Variants in GDNF observed in about 807,000 individuals in gnomAD.
GDNF encodes the protein glial cell derived neurotrophic factor.
GDNF carries 5 observed loss-of-function variants against 13.7 expected under a neutral mutation model. The observed-to-expected ratio is 0.36, with a 90% CI of 0.19 to 0.77. The LOEUF (loss-of-function observed/expected upper bound fraction) is 0.77. Ranked by LOEUF, GDNF falls within the 30% of genes least tolerant of loss-of-function variation. The probability of loss-of-function intolerance (pLI) is 0.51; values close to 1 mark genes in which losing one functional copy is unlikely to be tolerated. For synonymous variants in GDNF, 122 were observed against 112.5 expected (o/e 1.08, Z -0.53); for missense variants, 246 against 274.3 (o/e 0.90, Z 0.73).
chr5:37,828,312 T>C (rs577447692), intron 2 of GDNF, among the ~76,000 whole-genome samples: 4 of 152,338 alleles, frequency 2.6e-5, no homozygotes, highest in African/African-American at 9.6e-5. Flanking sequence ...AAAGCATCAA[T>C]ATTATAGGAA....
In GDNF at chr5:37,815,559, C is replaced by T; in HGVS notation, c.*92G>A. On this transcript the variant is annotated 3_prime_UTR_variant, in exon 3 of 3. Coordinates refer to ENST00000326524, the MANE Select transcript of GDNF (RefSeq NM_000514.4). The surrounding 1 kb of genome is among the most constrained non-coding windows in gnomAD (Gnocchi z 5.0). ...CCTCCTCCGCCTCCTTGGTCCTCAT[C>T]TTCCATTCTGGGCAAACATTTCCTG... 8.0e-7 allele frequency: 1 copy of T among 1,246,872 alleles called. No individual in the cohort carries two copies. Among genetic ancestry groups the T allele is most frequent in the Non-Finnish European group, 1.2e-6 (1 of 846,626 alleles). The allele number at this position is 1,246,872 out of a possible 1,614,324, so 77.2% of individuals were successfully genotyped here.
intron 2 of GDNF, among the ~76,000 whole-genome samples, chr5:37,833,532 A>T (rs1750596152): frequency 6.6e-6 from 1 of 152,256 alleles, no homozygotes; most frequent in Admixed American, 6.5e-5. Context: ...TAAAATAAGC[A>T]CATTGCATTT....
At chr5:37,828,227 A>G (rs1173816494) in intron 2 of GDNF, among the ~76,000 whole-genome samples, 1 of 152,224 alleles carries the variant, frequency 6.6e-6, no homozygotes, top group East Asian at 1.9e-4. Flanking sequence ...GGCCTCCCGA[A>G]TGCTGTCTGC....
Position 37,815,562 on chromosome 5 carries a change from C to T in GDNF, c.*89G>A. 1 of 1,258,916 alleles carries T rather than the reference C, an allele frequency of 7.9e-7. No homozygotes were observed. Among genetic ancestry groups the T allele is most frequent in the Non-Finnish European group, 1.2e-6 (1 of 858,800 alleles). The allele number at this position is 1,258,916 out of a possible 1,614,324, so 78.0% of individuals were successfully genotyped here. Reference sequence around the variant, plus strand: ...CCTCCGCCTCCTTGGTCCTCATCTTCCATTCTGGGCAAACATTTCCTGGGA... The same window carrying T: ...CCTCCGCCTCCTTGGTCCTCATCTTTCATTCTGGGCAAACATTTCCTGGGA... On this transcript the variant is annotated 3_prime_UTR_variant, in exon 3 of 3. Transcript: ENST00000326524. The surrounding 1 kb of genome is among the most constrained non-coding windows in gnomAD (Gnocchi z 5.0).
intron 2 of GDNF, among the ~76,000 whole-genome samples, chr5:37,817,242 A>G (rs2973050): frequency 0.64 from 96,792 of 152,110 alleles, 30,884 homozygotes; most frequent in Middle Eastern, 0.66. Flanking sequence ...TGCTTTGGCC[A>G]ATCAAGTCAG....
chr5:37,814,980 C>A lies in GDNF; in HGVS notation c.*671G>T, dbSNP rs1749856276. 1 of 152,998 alleles carries A rather than the reference C, an allele frequency of 6.5e-6. No homozygotes were observed. The highest frequency in any genetic ancestry group is 1.5e-5 in the Non-Finnish European group (1 of 68,644). 9.5% of individuals were successfully genotyped at this position (152,998 alleles called of 1,614,324 possible). On this transcript the variant is annotated 3_prime_UTR_variant, in exon 3 of 3. Transcript: ENST00000326524. ...AATCATGAGCACAGCCTTTTTGGTT[C>A]CTAGCCAACTTCTTCCCACCCCACA...
chr5:37,827,697 T>C (rs1404105723), intron 2 of GDNF, among the ~76,000 whole-genome samples: 2 of 152,230 alleles, frequency 1.3e-5, no homozygotes, highest in African/African-American at 4.8e-5. Context: ...CATGTACATT[T>C]GAATTGAAAA....
intron 2 of GDNF, among the ~76,000 whole-genome samples, chr5:37,828,144 C>G (rs901840906): frequency 4.6e-5 from 7 of 152,308 alleles, no homozygotes; most frequent in Middle Eastern, 3.4e-3. Flanking sequence ...TGCAGTCACA[C>G]TAGGTTCCTA....
At chr5:37,821,558 A>G (rs1349735841) in intron 2 of GDNF, among the ~76,000 whole-genome samples, 1 of 152,236 alleles carries the variant, frequency 6.6e-6, no homozygotes, top group East Asian at 1.9e-4. Context: ...GCTCAAATGC[A>G]TTTAAGCTAT....
chr5:37,818,932 C>T (rs903270875), intron 2 of GDNF, among the ~76,000 whole-genome samples: 3 of 152,132 alleles, frequency 2.0e-5, no homozygotes, highest in African/African-American at 4.8e-5. Context: ...CCCTGCGCCT[C>T]CCCCTCCACC....
intron 1 of GDNF, chr5:37,835,783 C>T (rs1234623375): frequency 9.9e-6 from 8 of 808,128 alleles, no homozygotes; most frequent in East Asian, 5.3e-5. Flanking sequence ...GCTCCCCGCG[C>T]CCCCGTCACG....
At position 37,838,490 on chromosome 5, in the gene GDNF, G is replaced by C. The variant is rs1750786372; in HGVS notation, c.-27+1017C>G. Among the ~76,000 whole-genome samples the C allele has an allele frequency of 6.6e-6, 1 of 152,226 alleles. No homozygotes were observed. Among genetic ancestry groups the C allele is most frequent in the South Asian group, 2.1e-4 (1 of 4,828 alleles). On this transcript the variant is annotated intron_variant, in intron 1 of 2. Coordinates refer to ENST00000326524, the MANE Select transcript of GDNF (RefSeq NM_000514.4). The surrounding 1 kb of genome is among the most constrained non-coding windows in gnomAD (Gnocchi z 4.1). ...CGCGTTCTAACATCTCCGCAGCAGG[G>C]GCCGGAAGAGTTGCCTTTGTCCCCG...
Position 37,815,663 on chromosome 5 carries a change from A to G in GDNF, c.624T>C (p.Cys208=), listed in dbSNP as rs1302367005. Residue 208 remains cysteine, a synonymous_variant, in exon 3 of 3, where the codon TGT becomes TGC. Coordinates refer to ENST00000326524, the MANE Select transcript of GDNF (RefSeq NM_000514.4). The surrounding 1 kb of genome is among the most constrained non-coding windows in gnomAD (Gnocchi z 5.0). ...TCTGGAGCCGGAGTCAGATACATCCACACCTTTTAGCGGAATGCTTTCTTA... is the reference window on the plus strand; with the variant it reads ...TCTGGAGCCGGAGTCAGATACATCCGCACCTTTTAGCGGAATGCTTTCTTA... ...HILRKHSAKR[C]GCI The G allele has an allele frequency of 1.9e-6, 3 of 1,613,734 alleles. No individual in the cohort carries two copies.
intron 2 of GDNF, among the ~76,000 whole-genome samples, chr5:37,817,064 C>A (rs890048888): frequency 2.0e-5 from 3 of 152,194 alleles, no homozygotes; most frequent in African/African-American, 7.2e-5. Flanking sequence ...GAGGTCCAGC[C>A]TCAGCTGCAA....
rs1749893805 is a variant in GDNF at position 37,815,691 on chromosome 5, A to G, written c.596T>C (p.Ile199Thr). 1 of 1,613,276 alleles carries G rather than the reference A, an allele frequency of 6.2e-7. No individual in the cohort carries two copies. Among genetic ancestry groups the G allele is most frequent in the Non-Finnish European group, 8.5e-7 (1 of 1,179,226 alleles). ...CCTTTTAGCGGAATGCTTTCTTAGA[A>G]TATGGTAAACCAGGTTATCATCTAA... ...SFLDDNLVYH[I>T]LRKHSAKRCG... is the part of the protein sequence containing the mutation. The change falls in exon 3 of 3, where the codon ATT (isoleucine) becomes ACT (threonine). Residue 199 changes from isoleucine to threonine, a missense_variant. Ile to Thr is a moderately conservative substitution (Grantham distance 89). Transcript: ENST00000326524. The surrounding 1 kb of genome is among the most constrained non-coding windows in gnomAD (Gnocchi z 5.0).
At chr5:37,830,459 T>A (rs1750483727) in intron 2 of GDNF, among the ~76,000 whole-genome samples, 1 of 152,138 alleles carries the variant, frequency 6.6e-6, no homozygotes. Flanking sequence ...AGGGGCAGAA[T>A]CCCAGGCAAG....
chr5:37,838,394 A>T lies in GDNF; in HGVS notation c.-27+1113T>A, dbSNP rs1432763935. Among the ~76,000 whole-genome samples the T allele has an allele frequency of 2.6e-5, 4 of 152,228 alleles. No individual in the cohort carries two copies. Among genetic ancestry groups the T allele is most frequent in the Non-Finnish European group, 4.4e-5 (3 of 68,034 alleles). Reference sequence around the variant, plus strand: ...CGGCTTTGCGGGACTGGGTGCGTGAATGAGGTTGGAAGAAACATCTCTTCC... The same window carrying T: ...CGGCTTTGCGGGACTGGGTGCGTGATTGAGGTTGGAAGAAACATCTCTTCC... On this transcript the variant is annotated intron_variant, in intron 1 of 2. Transcript: ENST00000326524. This position sits in a 1 kb window ranked among gnomAD's most constrained non-coding sequence, Gnocchi z 4.1.
In GDNF at chr5:37,839,225, C is replaced by T. The variant is rs1226118169; in HGVS notation, c.-27+282G>A. On this transcript the variant is annotated intron_variant, in intron 1 of 2. Coordinates refer to ENST00000326524, the MANE Select transcript of GDNF (RefSeq NM_000514.4). This position sits in a 1 kb window ranked among gnomAD's most constrained non-coding sequence, Gnocchi z 5.5. The stretch of plus-strand genomic sequence containing the variant: ...CTGGCCGAGTCGGGGAAGGAAACTG[C>T]CCCTCTTGGGCATTCCGGGTCCAGG... Among the ~76,000 whole-genome samples, 4 of 152,176 alleles carry T rather than the reference C, an allele frequency of 2.6e-5. No individual in the cohort carries two copies. The highest frequency in any genetic ancestry group is 9.7e-5 in the African/African-American group (4 of 41,446).
intron 2 of GDNF, among the ~76,000 whole-genome samples, chr5:37,828,269 T>G (rs1358118437): frequency 1.3e-5 from 2 of 152,212 alleles, no homozygotes; most frequent in African/African-American, 4.8e-5. Context: ...CTTGCTTTGT[T>G]GCAAAGAGTT....
Sources: gnomAD v4.1 joint callset for allele counts (sites outside exome capture counted in the v4.1 genomes callset) on GRCh38, gnomAD v4.1.1 for gene constraint, Gnocchi (gnomAD v3.1) non-coding constraint, MANE v1.5 for transcripts, NCBI Gene and HGNC (gene_info 2026-07-23, HGNC 2026-07-21) for gene names.